The following AP3B1 variants were observed in gnomAD, a reference collection of about 807,000 sequenced individuals.
The protein encoded by AP3B1 is AP-3 complex subunit beta-1.
In AP3B1, 61 loss-of-function variants were observed where a neutral mutation model predicts 132.5. That is an observed-to-expected ratio of 0.46 (90% CI 0.37 to 0.57). AP3B1 has a LOEUF of 0.57. Among genes scored for constraint, AP3B1 ranks in the 20% least tolerant of loss-of-function variants. AP3B1 has a pLI of 0.00. For synonymous variants in AP3B1, 388 were observed against 438.3 expected, an observed-to-expected ratio of 0.89 and a Z score of 1.43; for missense variants, 1,120 against 1,289.4, an observed-to-expected ratio of 0.87 and a Z score of 2.01.
At chr5:78,215,263 A>C (rs942225148) in intron 7 of AP3B1, among the ~76,000 whole-genome samples, 1 of 152,040 alleles carries the variant, frequency 6.6e-6, no homozygotes, top group Non-Finnish European at 1.5e-5. Context: ...TATTTTAAAA[A>C]GATAAGACAT....
chr5:78,202,220 T>C lies in AP3B1; in HGVS notation c.786+13835A>G, dbSNP rs140451390. Among the ~76,000 whole-genome samples, 7 of 152,320 alleles carry C rather than the reference T, an allele frequency of 4.6e-5. No individual in the cohort carries two copies. The East Asian group carries it at 1.3e-3, about 29-fold the overall frequency. ...TGATTGTAAGGCCTCCCCAGCCACG[T>C]AGAACTGTAAGTCCAATAAACCTTT... On this transcript the variant is annotated intron_variant, in intron 7 of 26. Coordinates refer to ENST00000255194, the MANE Select transcript of AP3B1 (RefSeq NM_003664.5).
In AP3B1 at chr5:78,265,307, G is replaced by C. The variant is rs551957116; in HGVS notation, c.204+2213C>G. On this transcript the variant is annotated intron_variant, in intron 2 of 26. Coordinates refer to ENST00000255194, the MANE Select transcript of AP3B1 (RefSeq NM_003664.5). Reference sequence around the variant, plus strand: ...AAAATAAAAAAATTAGCTGGGCATAGTGGTACACATCTGTAGTCCCTGCTA... The same window carrying C: ...AAAATAAAAAAATTAGCTGGGCATACTGGTACACATCTGTAGTCCCTGCTA... Among the ~76,000 whole-genome samples the C allele has an allele frequency of 2.6e-5, 4 of 152,110 alleles. No individual in the cohort carries two copies. In the South Asian group the frequency reaches 8.3e-4, roughly 32 times the overall value.
intron 7 of AP3B1, among the ~76,000 whole-genome samples, chr5:78,185,081 G>A (rs538313490): frequency 4.6e-5 from 7 of 152,128 alleles, no homozygotes; most frequent in Non-Finnish European, 1.0e-4. Flanking sequence ...TGATGGAGAG[G>A]AACTATCAAA....
intron 24 of AP3B1, among the ~76,000 whole-genome samples, chr5:78,028,041 G>C (rs940589935): frequency 6.6e-6 from 1 of 151,974 alleles, no homozygotes; most frequent in Non-Finnish European, 1.5e-5. Context: ...AAGGACAGTC[G>C]CTTGAACCTG....
At chr5:78,070,828 C>T (rs561080766) in intron 22 of AP3B1, among the ~76,000 whole-genome samples, 4 of 152,218 alleles carry the variant, frequency 2.6e-5, no homozygotes, top group Admixed American at 6.5e-5. Context: ...TATCACTGAT[C>T]GTTAGAGAAA....
At chr5:78,082,901 C>T (rs372852474) in intron 22 of AP3B1, among the ~76,000 whole-genome samples, 21 of 151,940 alleles carry the variant, frequency 1.4e-4, no homozygotes, top group African/African-American at 4.1e-4. Flanking sequence ...CTGCAACCTC[C>T]GCCTTCCGGG....
At chr5:78,228,982 C>A (rs1746515142) in intron 3 of AP3B1, among the ~76,000 whole-genome samples, 2 of 152,296 alleles carry the variant, frequency 1.3e-5, no homozygotes, top group South Asian at 4.1e-4. Context: ...GCACAGGGTG[C>A]AGTGCAATAG....
chr5:78,178,483 G>A lies in AP3B1; in HGVS notation c.943-1047C>T, dbSNP rs545632029. Among the ~76,000 whole-genome samples, 5 of 152,158 alleles carry A rather than the reference G, an allele frequency of 3.3e-5. No homozygotes were observed. In the South Asian group the frequency reaches 6.2e-4, roughly 19 times the overall value. The stretch of plus-strand genomic sequence containing the variant: ...TAAAAATACAAAAATTAGGTTAAGC[G>A]TGGTGGTGCACACCTGTAATCTCAG... On this transcript the variant is annotated intron_variant, in intron 8 of 26. Coordinates refer to ENST00000255194, the MANE Select transcript of AP3B1 (RefSeq NM_003664.5).
chr5:78,043,277 G>A (rs389879), intron 22 of AP3B1: 24,696 of 161,970 alleles, frequency 0.15, 2,384 homozygotes, highest in Admixed American at 0.26. Flanking sequence ...CCTAAGGTGC[G>A]CACCACCATG....
At chr5:78,082,871 A>G (rs183815194) in intron 22 of AP3B1, among the ~76,000 whole-genome samples, 41 of 151,780 alleles carry the variant, frequency 2.7e-4, no homozygotes, top group Admixed American at 5.2e-4. Context: ...GCTGGAGTGC[A>G]GTGGCGCGAT....
At chr5:78,075,153 A>T (rs1463177697) in intron 22 of AP3B1, among the ~76,000 whole-genome samples, 1 of 152,188 alleles carries the variant, frequency 6.6e-6, no homozygotes, top group Non-Finnish European at 1.5e-5. Flanking sequence ...ATACCCTAGT[A>T]GCAATTAAAA....
chr5:78,170,582 T>C (rs1376045905), intron 11 of AP3B1, among the ~76,000 whole-genome samples: 1 of 152,200 alleles, frequency 6.6e-6, no homozygotes, highest in Non-Finnish European at 1.5e-5. Flanking sequence ...TTCATATACT[T>C]TGCCCATTTT....
At chr5:78,097,264 C>T (rs866826595) in intron 21 of AP3B1, among the ~76,000 whole-genome samples, 2 of 77,718 alleles carry the variant, frequency 2.6e-5, no homozygotes, top group African/African-American at 6.7e-5. Flanking sequence ...CCCGGCCAGC[C>T]ACCCCGTCCG....
chr5:78,290,457 T>C (rs983211356), intron 1 of AP3B1, among the ~76,000 whole-genome samples: 1 of 152,048 alleles, frequency 6.6e-6, no homozygotes, highest in Non-Finnish European at 1.5e-5. Context: ...AGCTTTACTA[T>C]TGTAATTAAG....
At chr5:78,244,697 C>T (rs1400912216) in intron 2 of AP3B1, among the ~76,000 whole-genome samples, 1 of 151,934 alleles carries the variant, frequency 6.6e-6, no homozygotes, top group Non-Finnish European at 1.5e-5. Flanking sequence ...ATAGTACAAT[C>T]CTAAAAGTAG....
At chr5:78,037,052 CAAAG>C (rs1747836920) in intron 23 of AP3B1, among the ~76,000 whole-genome samples, 1 of 152,016 alleles carries the variant, frequency 6.6e-6, no homozygotes, top group African/African-American at 2.4e-5. Context: ...CTAAGAATGA[CAAAG>C]AAAAGCCTAC....
chr5:78,076,401 T>G (rs1749769218), intron 22 of AP3B1, among the ~76,000 whole-genome samples: 1 of 152,210 alleles, frequency 6.6e-6, no homozygotes, highest in Admixed American at 6.5e-5. Flanking sequence ...TAAAGAGGCT[T>G]AGGACTTTCT....
chr5:78,201,567 GAATAC>G (rs1476241462), intron 7 of AP3B1, among the ~76,000 whole-genome samples: 2 of 152,118 alleles, frequency 1.3e-5, no homozygotes, highest in Non-Finnish European at 2.9e-5. Flanking sequence ...GTACCAAAAA[GAATAC>G]AATATGACTC....
At chr5:78,239,582 T>C (rs553067507) in intron 3 of AP3B1, among the ~76,000 whole-genome samples, 1 of 151,060 alleles carries the variant, frequency 6.6e-6, no homozygotes, top group African/African-American at 2.4e-5. Flanking sequence ...AAGACCAGCC[T>C]GGGCCACATG....
Sources: allele counts gnomAD v4.1 joint callset (sites outside exome capture counted in the v4.1 genomes callset), GRCh38; gene constraint gnomAD v4.1.1; transcripts MANE v1.5; gene names NCBI Gene and HGNC (gene_info 2026-07-23, HGNC 2026-07-21).